Variants in KMT2E observed in about 807,000 individuals in gnomAD.
KMT2E encodes the protein histone reader KMT2E.
Under a neutral mutation model 184.6 loss-of-function variants are expected in KMT2E, and 30 were observed. That is an observed-to-expected ratio of 0.16 (90% CI 0.12 to 0.22). The LOEUF (loss-of-function observed/expected upper bound fraction) is 0.22, where lower values mean the gene tolerates loss of function less well. KMT2E is among the 10% of genes least tolerant of loss of function. KMT2E has a pLI of 1.00. For synonymous variants in KMT2E, 815 were observed against 776.5 expected, an observed-to-expected ratio of 1.05 and a Z score of -0.82; for missense variants, 2,023 against 2,237.4, an observed-to-expected ratio of 0.90 and a Z score of 1.93.
rs749821522 is a variant in KMT2E, at chr7:105,113,054, ACAT to A, written c.5302_5304del (p.His1768del). On this transcript the variant is annotated inframe_deletion, in exon 27 of 27. Coordinates refer to ENST00000311117, the MANE Select transcript of KMT2E (RefSeq NM_182931.3). ...TACCACCGTATCCCTCACAAGCTAC[ACAT>A]CATACCACTTTGGGACCGGGACCCC... 4 of 1,614,110 alleles carry A rather than the reference ACAT, an allele frequency of 2.5e-6. No individual in the cohort carries two copies. The highest frequency in any genetic ancestry group is 3.4e-6 in the Non-Finnish European group (4 of 1,180,006).
rs573651093 is a variant in KMT2E at position 105,056,117 on chromosome 7, T to G, written c.72-6047T>G. On this transcript the variant is annotated intron_variant, in intron 3 of 26. Coordinates refer to ENST00000311117, the MANE Select transcript of KMT2E (RefSeq NM_182931.3). Reference sequence around the variant, plus strand: ...GTTTAATCAGTGCTATCAAAGTGGTTTAAATGGATGTAGTCTCCAGGGGTC... The same window carrying G: ...GTTTAATCAGTGCTATCAAAGTGGTGTAAATGGATGTAGTCTCCAGGGGTC... Among the ~76,000 whole-genome samples the G allele has an allele frequency of 2.6e-5, 4 of 152,328 alleles. No homozygotes were observed. In the South Asian group the frequency reaches 8.3e-4, roughly 32 times the overall value.
chr7:105,056,201 T>C (rs1223735055), intron 3 of KMT2E, among the ~76,000 whole-genome samples: 1 of 152,194 alleles, frequency 6.6e-6, no homozygotes, highest in African/African-American at 2.4e-5. Context: ...GAAAAAAAAT[T>C]AAGTATATTT....
At chr7:105,022,465 C>T (rs538913969) in intron 1 of KMT2E, among the ~76,000 whole-genome samples, 35 of 151,750 alleles carry the variant, frequency 2.3e-4, no homozygotes, top group Admixed American at 5.3e-4. Context: ...GTTTTTCTAT[C>T]GTCTGGAGGC....
chr7:105,030,618 T>G (rs1795368809), intron 1 of KMT2E, among the ~76,000 whole-genome samples: 1 of 152,216 alleles, frequency 6.6e-6, no homozygotes, highest in Admixed American at 6.5e-5. Context: ...TTGTAACCAG[T>G]ACTAAAATAG....
intron 1 of KMT2E, among the ~76,000 whole-genome samples, chr7:105,026,903 A>G (rs928339298): frequency 2.6e-4 from 39 of 152,148 alleles, no homozygotes; most frequent in African/African-American, 8.2e-4. Context: ...CTTACCTCCT[A>G]AAGTAAATAG....
chr7:105,099,067 G>A (rs939627476), intron 15 of KMT2E, among the ~76,000 whole-genome samples: 1 of 152,176 alleles, frequency 6.6e-6, no homozygotes, highest in Non-Finnish European at 1.5e-5. Flanking sequence ...TGTACTGTAT[G>A]TAATGGTGAC....
rs1422021471 is a variant in KMT2E at position 105,113,170 on chromosome 7, C to T, written c.5414C>T (p.Thr1805Ile). 3.7e-6 allele frequency: 6 copies of T among 1,614,070 alleles called. No homozygotes were observed. The highest frequency in any genetic ancestry group is 5.1e-6 in the Non-Finnish European group (6 of 1,180,040). ...LQPQGPNSIP[T>I]PTASGFCPHP... ...CCCCAAGGACCAAACAGTATTCCAA[C>T]ACCTACTGCTTCAGGGTTCTGTCCT... The change falls in exon 27 of 27, where the codon ACA (threonine) becomes ATA (isoleucine). Residue 1805 changes from threonine (T) to isoleucine (I), a missense_variant. This residue lies in a region of KMT2E where 1,108 missense variants were observed against 1,050.9 expected (regional missense o/e 1.05). Coordinates refer to ENST00000311117, the MANE Select transcript of KMT2E (RefSeq NM_182931.3).
At chr7:105,053,518 A>G (rs1429448255) in intron 3 of KMT2E, among the ~76,000 whole-genome samples, 1 of 152,200 alleles carries the variant, frequency 6.6e-6, no homozygotes, top group East Asian at 1.9e-4. Flanking sequence ...TCTAAAGTCT[A>G]TATAAAGATT....
At chr7:105,050,631 CTTT>C (rs1796290837) in intron 3 of KMT2E, among the ~76,000 whole-genome samples, 8 of 138,780 alleles carry the variant, frequency 5.8e-5, no homozygotes, top group Non-Finnish European at 9.7e-5. Context: ...CTTTTCTTTT[CTTT>C]TCTCTTTTCT....
chr7:105,112,793 A>ACCCCCCCCCCCCCCCCT lies in KMT2E; in HGVS notation c.5042_5043insCCCCCCCCCCCTCCCCC (p.Gly1685LeufsTer33). 2.1e-6 allele frequency: 1 copy of ACCCCCCCCCCCCCCCCT among 470,476 alleles called. No homozygotes were observed. The highest frequency in any genetic ancestry group is 3.1e-6 in the Non-Finnish European group (1 of 323,360). 29.1% of individuals were successfully genotyped at this position (470,476 alleles called of 1,614,324 possible). A position where few individuals can be genotyped will look rare whatever the true frequency, so the allele number is the denominator to read the frequency against. Reference sequence around the variant, plus strand: ...AAACTGCTGGACACCACTTACCCCCACCCCCACCCCCTCCTGGTCCTGCCC... The same window carrying ACCCCCCCCCCCCCCCCT: ...AAACTGCTGGACACCACTTACCCCCACCCCCCCCCCCCCCCCTCCCCCACCCCCTCCTGGTCCTGCCC... On this transcript the variant is annotated frameshift_variant, in exon 27 of 27. Transcript: ENST00000311117. LOFTEE classifies it high-confidence loss of function.
At chr7:105,069,220 C>T (rs911721593) in intron 6 of KMT2E, among the ~76,000 whole-genome samples, 3 of 152,104 alleles carry the variant, frequency 2.0e-5, no homozygotes, top group African/African-American at 7.2e-5. Context: ...AAGTATGTTT[C>T]ATCTGTTTCT....
At chr7:105,062,343 G>A in intron 4 of KMT2E, 65 bp downstream of exon 4, 1 of 1,014,196 alleles carries the variant, frequency 9.9e-7, no homozygotes, top group East Asian at 2.5e-5. Flanking sequence ...AGATGCATGT[G>A]ATACTGTGCT....
chr7:105,054,213 C>G (rs1796467557), intron 3 of KMT2E, among the ~76,000 whole-genome samples: 1 of 150,712 alleles, frequency 6.6e-6, no homozygotes. Flanking sequence ...TAAAGAAAGG[C>G]TGCAGAGAAT....
At chr7:105,109,658 A>G (rs975028918) in intron 23 of KMT2E, among the ~76,000 whole-genome samples, 3 of 152,106 alleles carry the variant, frequency 2.0e-5, no homozygotes, top group Non-Finnish European at 2.9e-5. Context: ...TGCAATCCTG[A>G]TAGCAGTTTG....
chr7:105,084,619 T>C (rs1422234354), intron 13 of KMT2E, among the ~76,000 whole-genome samples: 3 of 145,214 alleles, frequency 2.1e-5, no homozygotes, highest in African/African-American at 7.6e-5. Context: ...AGAGCAAGAC[T>C]CTGTCTCAAG....
chr7:105,073,194 A>G (rs1182660438), intron 6 of KMT2E, among the ~76,000 whole-genome samples: 2 of 146,900 alleles, frequency 1.4e-5, no homozygotes, highest in African/African-American at 5.4e-5. Flanking sequence ...GGATCACTTG[A>G]TCCAGGAGTT....
intron 1 of KMT2E, among the ~76,000 whole-genome samples, chr7:105,016,001 G>T (rs1172566938): frequency 2.0e-5 from 3 of 151,728 alleles, no homozygotes; most frequent in African/African-American, 7.3e-5. Context: ...ACCAATAATA[G>T]TTTTTGTTTG....
chr7:105,027,675 T>G (rs182089944), intron 1 of KMT2E, among the ~76,000 whole-genome samples: 1 of 152,276 alleles, frequency 6.6e-6, no homozygotes, highest in African/African-American at 2.4e-5. Flanking sequence ...CATTTCCGGG[T>G]TTTTGTTTTT....
At chr7:105,059,998 T>G (rs933257598) in intron 3 of KMT2E, among the ~76,000 whole-genome samples, 7 of 113,774 alleles carry the variant, frequency 6.2e-5, no homozygotes, top group South Asian at 6.2e-4. Flanking sequence ...TTTTTTTTTT[T>G]TTTTTTTTTT....
Sources: gnomAD v4.1 joint callset for allele counts (sites outside exome capture counted in the v4.1 genomes callset) on GRCh38, gnomAD v4.1.1 for gene constraint, gnomAD v4.1.1 regional missense constraint, MANE v1.5 for transcripts, NCBI Gene and HGNC (gene_info 2026-07-23, HGNC 2026-07-21) for gene names.